MAGEA4: variants seen among roughly 807,000 people sequenced by gnomAD.
MAGEA4 encodes melanoma-associated antigen 4.
A neutral mutation model predicts 13.7 loss-of-function variants in MAGEA4; 1 was observed. That is an observed-to-expected ratio of 0.07 (90% CI 0.03 to 0.35). MAGEA4 has a LOEUF of 0.35. Ranked by LOEUF, MAGEA4 falls within the 10% of genes least tolerant of loss-of-function variation. The probability of loss-of-function intolerance (pLI) is 0.99; values close to 1 mark genes in which losing one functional copy is unlikely to be tolerated. For synonymous variants in MAGEA4, 132 were observed against 101.1 expected, an observed-to-expected ratio of 1.31 and a Z score of -1.83; for missense variants, 312 against 245.1, an observed-to-expected ratio of 1.27 and a Z score of -1.82.
chrX:151,924,312 C>G lies in MAGEA4; in HGVS notation c.648C>G (p.Ser216Arg), dbSNP rs61746135. Reference sequence around the variant, plus strand: ...GCACAATTGCAATGGAGGGCGACAGCGCCTCTGAGGAGGAAATCTGGGAGG... The same window carrying G: ...GCACAATTGCAATGGAGGGCGACAGGGCCTCTGAGGAGGAAATCTGGGAGG... ...VLGTIAMEGD[S>R]ASEEEIWEEL... The change falls in exon 3 of 3, where the codon AGC (serine) becomes AGG (arginine). Residue 216 changes from serine (S) to arginine (R), a missense_variant. By Grantham distance (110) the Ser-to-Arg change is moderately radical. Coordinates refer to ENST00000276344, the MANE Select transcript of MAGEA4 (RefSeq NM_001011548.1). The G allele has an allele frequency of 8.3e-7, 1 of 1,209,298 alleles. No individual in the cohort carries two copies.
chrX:151,924,827 G>A lies in MAGEA4; in HGVS notation c.*209G>A. On this transcript the variant is annotated 3_prime_UTR_variant, in exon 3 of 3. Transcript: ENST00000276344. ...TGTTTCCTTTTACAATTGTTGAAAT[G>A]TTCCTTTTAATGGATGGTTGAATTA... The A allele has an allele frequency of 5.3e-6, 2 of 380,653 alleles. No homozygotes were observed. The highest frequency in any genetic ancestry group is 9.0e-6 in the Non-Finnish European group (2 of 223,384). The allele number at this position is 380,653 out of a possible 1,213,427, so 31.4% of individuals were successfully genotyped here.
chrX:151,924,677 G>T lies in MAGEA4; in HGVS notation c.*59G>T, dbSNP rs752857813. The stretch of plus-strand genomic sequence containing the variant: ...CAGGGCTGGGCCAGTGCATCTAACA[G>T]CCCTGTGCAGCAGCTTCCCTTGCCT... On this transcript the variant is annotated 3_prime_UTR_variant, in exon 3 of 3. Coordinates refer to ENST00000276344, the MANE Select transcript of MAGEA4 (RefSeq NM_001011548.1). 8.0e-5 allele frequency: 88 copies of T among 1,095,353 alleles called. No individual in the cohort carries two copies. Among genetic ancestry groups the T allele is most frequent in the Non-Finnish European group, 1.1e-4 (87 of 825,790 alleles). The allele number at this position is 1,095,353 out of a possible 1,213,427, so 90.3% of individuals were successfully genotyped here.
In MAGEA4 at chrX:151,924,395, G is replaced by A; in HGVS notation, c.731G>A (p.Arg244Lys). The A allele has an allele frequency of 8.3e-7, 1 of 1,211,098 alleles. No homozygotes were observed. Among genetic ancestry groups the A allele is most frequent in the South Asian group, 1.8e-5 (1 of 56,777 alleles). The change falls in exon 3 of 3, where the codon AGG (arginine) becomes AAG (lysine). Residue 244 changes from arginine (R) to lysine (K), a missense_variant. By Grantham distance (26) the Arg-to-Lys change is conservative (BLOSUM62 2). Coordinates refer to ENST00000276344, the MANE Select transcript of MAGEA4 (RefSeq NM_001011548.1). ...GREHTVYGEPRKLLTQDWVQE... is the reference protein window; with the variant it reads ...GREHTVYGEPKKLLTQDWVQE... The stretch of plus-strand genomic sequence containing the variant: ...GAGCACACTGTCTATGGGGAGCCCA[G>A]GAAACTGCTCACCCAAGATTGGGTG...
At position 151,924,641 on chromosome X, in the gene MAGEA4, T is replaced by C. The variant is rs371304448; in HGVS notation, c.*23T>C. On this transcript the variant is annotated 3_prime_UTR_variant, in exon 3 of 3. Transcript: ENST00000276344. Reference sequence around the variant, plus strand: ...TGAGCATGAGTTGCAGCCAGGGCTGTGGGGAAGGGGCAGGGCTGGGCCAGT... The same window carrying C: ...TGAGCATGAGTTGCAGCCAGGGCTGCGGGGAAGGGGCAGGGCTGGGCCAGT... The C allele has an allele frequency of 2.6e-6, 3 of 1,168,163 alleles. No homozygotes were observed. In the African/African-American group the frequency reaches 5.3e-5, roughly 21 times the overall value.
Position 151,924,354 on chromosome X carries a change from G to T in MAGEA4, c.690G>T (p.Gly230=), listed in dbSNP as rs141361139. 8.3e-7 allele frequency: 1 copy of T among 1,210,812 alleles called. No individual in the cohort carries two copies. Among genetic ancestry groups the T allele is most frequent in the South Asian group, 1.8e-5 (1 of 56,645 alleles). Residue 230 remains glycine (G), a synonymous_variant, in exon 3 of 3, where the codon GGG becomes GGT. Transcript: ENST00000276344. ...TCTGGGAGGAGCTGGGTGTGATGGG[G>T]GTGTATGATGGGAGGGAGCACACTG... ...EEIWEELGVM[G]VYDGREHTVY...
At chrX:151,913,064 C>A (rs1603062646) in intron 1 of MAGEA4, 95 bp downstream of exon 1, 1 of 113,617 alleles carries the variant, frequency 8.8e-6, no homozygotes, top group Non-Finnish European at 1.8e-5. Context: ...CTGGGCCACT[C>A]CTGGAGACTT....
At chrX:151,913,682 C>T (rs749842949) in intron 1 of MAGEA4, 60 of 669,038 alleles carry the variant, frequency 9.0e-5, no homozygotes, top group Middle Eastern at 9.0e-4. Flanking sequence ...GTGGGCCACC[C>T]GTGGGCGGAC....
intron 1 of MAGEA4, chrX:151,919,638 G>A: frequency 4.8e-5 from 36 of 753,081 alleles, no homozygotes; most frequent in Non-Finnish European, 5.6e-5. Context: ...TGCGCATTGG[G>A]GGTTAGAGAA....
At chrX:151,921,146 G>T (rs937910874) in intron 1 of MAGEA4, among the ~76,000 whole-genome samples, 5 of 112,097 alleles carry the variant, frequency 4.5e-5, no homozygotes, top group Non-Finnish European at 1.9e-5. Flanking sequence ...CAAATCCGCT[G>T]CCATTTCGCT....
Position 151,924,708 on chromosome X carries a change from A to G in MAGEA4, c.*90A>G, listed in dbSNP as rs1401731630. On this transcript the variant is annotated 3_prime_UTR_variant, in exon 3 of 3. Coordinates refer to ENST00000276344, the MANE Select transcript of MAGEA4 (RefSeq NM_001011548.1). ...TGCAGCAGCTTCCCTTGCCTCGTGT[A>G]ACATGAGGCCCATTCTTCACTCTGT... is the stretch of plus-strand genomic sequence containing the variant. 6.4e-6 allele frequency: 6 copies of G among 942,030 alleles called. No individual in the cohort carries two copies. The highest frequency in any genetic ancestry group is 8.6e-6 in the Non-Finnish European group (6 of 694,085). 77.6% of individuals were successfully genotyped at this position (942,030 alleles called of 1,213,427 possible). A position where few individuals can be genotyped will look rare whatever the true frequency, so the allele number is the denominator to read the frequency against.
chrX:151,919,754 C>T (rs1369662691), intron 1 of MAGEA4: 1 of 750,159 alleles, frequency 1.3e-6, no homozygotes, highest in African/African-American at 2.3e-5. Flanking sequence ...CAGGAGGCCC[C>T]CACCGCAGAT....
At chrX:151,912,720 C>A (rs1452112180), upstream of MAGEA4, 4 of 177,299 alleles carry the variant, frequency 2.3e-5, no homozygotes, top group Non-Finnish European at 4.0e-5. Flanking sequence ...CCTCATACCC[C>A]CATCCCCAAT....
chrX:151,918,954 G>A (rs1482141887), intron 1 of MAGEA4: 14 of 752,505 alleles, frequency 1.9e-5, no homozygotes, highest in African/African-American at 2.3e-5. Flanking sequence ...TTGCGCATTC[G>A]GGGTTAGAGA....
Position 151,919,785 on chromosome X carries a change from G to A in MAGEA4, c.-137-3668G>A, listed in dbSNP as rs1382309820. 5 of 743,006 alleles carry A rather than the reference G, an allele frequency of 6.7e-6. No homozygotes were observed. The African/African-American group carries it at 9.4e-5, about 14-fold the overall frequency. The allele number at this position is 743,006 out of a possible 1,213,427, so 61.2% of individuals were successfully genotyped here. On this transcript the variant is annotated intron_variant, in intron 1 of 2. Coordinates refer to ENST00000276344, the MANE Select transcript of MAGEA4 (RefSeq NM_001011548.1). ...CAGATAGACAATCCCAAATAATCCC[G>A]AACCACTCATGCTCCCAGCCCTGGG... is the stretch of plus-strand genomic sequence containing the variant.
At chrX:151,921,943 A>G (rs1376098167) in intron 1 of MAGEA4, among the ~76,000 whole-genome samples, 2 of 111,548 alleles carry the variant, frequency 1.8e-5, no homozygotes, top group African/African-American at 3.3e-5. Context: ...GTGGGTTCCA[A>G]GCCCTTCCAG....
chrX:151,914,068 A>C (rs1310725407), intron 1 of MAGEA4: 12 of 18,613 alleles, frequency 6.4e-4, no homozygotes, highest in Non-Finnish European at 8.7e-4. Flanking sequence ...ACCCCCAAAA[A>C]CCCGCCCCCT....
Position 151,924,819 on chromosome X carries a change from G to T in MAGEA4, c.*201G>T. Reference sequence around the variant, plus strand: ...TTTATCTCTGTTTCCTTTTACAATTGTTGAAATGTTCCTTTTAATGGATGG... The same window carrying T: ...TTTATCTCTGTTTCCTTTTACAATTTTTGAAATGTTCCTTTTAATGGATGG... On this transcript the variant is annotated 3_prime_UTR_variant, in exon 3 of 3. Transcript: ENST00000276344. 1 of 390,207 alleles carries T rather than the reference G, an allele frequency of 2.6e-6. No homozygotes were observed. Among genetic ancestry groups the T allele is most frequent in the East Asian group, 4.3e-5 (1 of 23,314 alleles). The allele number at this position is 390,207 out of a possible 1,213,427, so 32.2% of individuals were successfully genotyped here. A position where few individuals can be genotyped will look rare whatever the true frequency, so the allele number is the denominator to read the frequency against.
rs191815383 is a variant in MAGEA4 at position 151,921,006 on chromosome X, G to T, written c.-137-2447G>T. 5.4e-5 allele frequency among the ~76,000 whole-genome samples: 6 copies of T among 112,119 alleles called. No homozygotes were observed. In the East Asian group the frequency reaches 1.7e-3, roughly 32 times the overall value. ...TGTTTAAGCCACAGGGGACTCTGGAGTCAGAGGTTGGTGTGATCAGGGAAG... is the reference window on the plus strand; with the variant it reads ...TGTTTAAGCCACAGGGGACTCTGGATTCAGAGGTTGGTGTGATCAGGGAAG... On this transcript the variant is annotated intron_variant, in intron 1 of 2. Coordinates refer to ENST00000276344, the MANE Select transcript of MAGEA4 (RefSeq NM_001011548.1).
At chrX:151,914,110 C>T (rs1933029959) in intron 1 of MAGEA4, 1 of 24,642 alleles carries the variant, frequency 4.1e-5, no homozygotes, top group East Asian at 1.1e-3. Context: ...CCCCCATCCA[C>T]GCTGAATCTG....
Sources: gnomAD v4.1 joint callset for allele counts (sites outside exome capture counted in the v4.1 genomes callset) on GRCh38, gnomAD v4.1.1 for gene constraint, MANE v1.5 for transcripts, NCBI Gene and HGNC (gene_info 2026-07-23, HGNC 2026-07-21) for gene names.